The following LINGO2 variants were observed in gnomAD, a reference collection of about 807,000 sequenced individuals.
The protein encoded by LINGO2 is leucine-rich repeat and immunoglobulin-like domain-containing nogo receptor-interacting protein 2.
Under a neutral mutation model 30.6 loss-of-function variants are expected in LINGO2, and 14 were observed. The ratio of observed to expected loss-of-function variants is 0.46; its 90% CI spans 0.30 to 0.72. The LOEUF is 0.72. Among genes scored for constraint, LINGO2 ranks in the 30% least tolerant of loss-of-function variants. The pLI is 0.07. For missense variants in LINGO2, 729 were observed against 751.7 expected (o/e 0.97, Z 0.35); for synonymous variants, 317 against 288.5 (o/e 1.10, Z -1.00).
the LINGO2 span, among the ~76,000 whole-genome samples, chr9:28,890,755 T>G: frequency 6.6e-6 from 1 of 152,032 alleles, no homozygotes; most frequent in Admixed American, 6.6e-5. Context: ...CAATTGACAG[T>G]CAAGAATCCT....
At chr9:29,007,796 G>A in the LINGO2 span, among the ~76,000 whole-genome samples, 3 of 152,134 alleles carry the variant, frequency 2.0e-5, no homozygotes, top group African/African-American at 4.8e-5. Context: ...GAGGTTTAAA[G>A]TGCAAGTGAA....
At chr9:29,129,792 T>A in the LINGO2 span, among the ~76,000 whole-genome samples, 1 of 152,060 alleles carries the variant, frequency 6.6e-6, no homozygotes, top group Non-Finnish European at 1.5e-5. Flanking sequence ...AGACGTGTTT[T>A]TGGTAGGTAA....
In LINGO2 at chr9:28,551,777, A is replaced by G. The variant is rs1587844656; in HGVS notation, c.-364-75752T>C. 2.0e-5 allele frequency among the ~76,000 whole-genome samples: 3 copies of G among 152,100 alleles called. No individual in the cohort carries two copies. In the East Asian group the frequency reaches 5.8e-4, roughly 29 times the overall value. ...ATATTGACATTCTATTTTGGAAGATACAAATCAAGCCTTTTTCAACACCAC... is the reference window on the plus strand; with the variant it reads ...ATATTGACATTCTATTTTGGAAGATGCAAATCAAGCCTTTTTCAACACCAC... On this transcript the variant is annotated intron_variant, in intron 1 of 5. Transcript: ENST00000379992.
At chr9:29,189,339 G>A in the LINGO2 span, among the ~76,000 whole-genome samples, 447 of 151,774 alleles carry the variant, frequency 2.9e-3, 3 homozygotes, top group African/African-American at 0.01. Flanking sequence ...CCCAGACGGG[G>A]TGGCTGCCGG....
At chr9:28,237,204 T>C (rs1376713511) in intron 4 of LINGO2, among the ~76,000 whole-genome samples, 1 of 151,966 alleles carries the variant, frequency 6.6e-6, no homozygotes. Flanking sequence ...TGCTAAGCTG[T>C]CATCTGTTTA....
intron 5 of LINGO2, among the ~76,000 whole-genome samples, chr9:28,000,250 G>A (rs1213202986): frequency 1.3e-5 from 2 of 152,118 alleles, no homozygotes; most frequent in Admixed American, 1.3e-4. Flanking sequence ...AAGCTTTTTG[G>A]TAACTTGAAA....
At chr9:28,375,111 CACACACACACACACACACACACAT>C (rs1821071398) in intron 2 of LINGO2, among the ~76,000 whole-genome samples, 1 of 53,928 alleles carries the variant, frequency 1.9e-5, no homozygotes, top group Non-Finnish European at 5.6e-5. Flanking sequence ...CACACACACA[CACACACACACACACACACACACAT>C]ACACCCCACA....
At chr9:28,133,117 C>T (rs1014284391) in intron 4 of LINGO2, among the ~76,000 whole-genome samples, 2 of 152,136 alleles carry the variant, frequency 1.3e-5, no homozygotes, top group Admixed American at 1.3e-4. Context: ...TTCTTAAGAA[C>T]AGGATTATTT....
chr9:28,179,223 C>G (rs892639872), intron 4 of LINGO2, among the ~76,000 whole-genome samples: 1 of 119,236 alleles, frequency 8.4e-6, no homozygotes, highest in Middle Eastern at 4.5e-3. Context: ...TGTGTGGAAG[C>G]ATTTAGTTTC....
the LINGO2 span, among the ~76,000 whole-genome samples, chr9:29,147,638 C>G: frequency 2.6e-5 from 4 of 152,006 alleles, no homozygotes; most frequent in Admixed American, 2.6e-4. Context: ...CCAAATATAT[C>G]CAAAGCCTCA....
the LINGO2 span, among the ~76,000 whole-genome samples, chr9:29,014,061 T>C: frequency 2.6e-5 from 4 of 152,162 alleles, no homozygotes; most frequent in Non-Finnish European, 5.9e-5. Flanking sequence ...TACAAATCCA[T>C]TCATTTTTTT....
chr9:28,039,585 A>G (rs1004509487), intron 4 of LINGO2, among the ~76,000 whole-genome samples: 2 of 152,156 alleles, frequency 1.3e-5, no homozygotes, highest in Non-Finnish European at 2.9e-5. Flanking sequence ...AGTACATGTA[A>G]GTCTTTTGGA....
chr9:28,291,234 A>G (rs1564099691), intron 4 of LINGO2, among the ~76,000 whole-genome samples: 1 of 152,188 alleles, frequency 6.6e-6, no homozygotes, highest in Non-Finnish European at 1.5e-5. Flanking sequence ...AAACTAAGGC[A>G]ATCGGCATCA....
the LINGO2 span, among the ~76,000 whole-genome samples, chr9:29,011,297 A>C: frequency 6.6e-6 from 1 of 152,134 alleles, no homozygotes; most frequent in Non-Finnish European, 1.5e-5. Context: ...AGGTGAGTGA[A>C]TACCTTCTTC....
intron 4 of LINGO2, among the ~76,000 whole-genome samples, chr9:28,139,211 A>T (rs1211197489): frequency 6.6e-6 from 1 of 152,142 alleles, no homozygotes; most frequent in African/African-American, 2.4e-5. Context: ...GTTATTACTA[A>T]AAAAGTCACC....
chr9:29,113,034 T>G, the LINGO2 span, among the ~76,000 whole-genome samples: 3 of 152,186 alleles, frequency 2.0e-5, no homozygotes, highest in African/African-American at 7.2e-5. Context: ...AAAAACAGAT[T>G]GTCAGTGGCA....
At chr9:28,233,764 G>A (rs112164852) in intron 4 of LINGO2, among the ~76,000 whole-genome samples, 2 of 152,272 alleles carry the variant, frequency 1.3e-5, no homozygotes, top group African/African-American at 4.8e-5. Context: ...CAATAGGATA[G>A]GCACCAGGTA....
the LINGO2 span, among the ~76,000 whole-genome samples, chr9:29,081,321 A>G: frequency 6.6e-6 from 1 of 152,148 alleles, no homozygotes; most frequent in Admixed American, 6.6e-5. Flanking sequence ...ACAGAACCAA[A>G]GACAAAAACC....
chr9:28,319,745 A>C (rs993495365), intron 3 of LINGO2, among the ~76,000 whole-genome samples: 10 of 152,114 alleles, frequency 6.6e-5, no homozygotes, highest in African/African-American at 2.4e-4. Context: ...GCTTGAGGCA[A>C]TTTTTTGGGT....
Sources: gnomAD v4.1 joint callset for allele counts (sites outside exome capture counted in the v4.1 genomes callset) on GRCh38, gnomAD v4.1.1 for gene constraint, MANE v1.5 for transcripts, NCBI Gene and HGNC (gene_info 2026-07-23, HGNC 2026-07-21) for gene names.